KCNMB2: variants seen among roughly 807,000 people sequenced by gnomAD.
The protein encoded by KCNMB2 is potassium calcium-activated channel subfamily M regulatory beta subunit 2, also known as calcium-activated potassium channel subunit beta-2.
In KCNMB2, 9 loss-of-function variants were observed where a neutral mutation model predicts 24.5. The ratio of observed to expected loss-of-function variants is 0.37; its 90% CI spans 0.22 to 0.64. The LOEUF (loss-of-function observed/expected upper bound fraction) is 0.64, where lower values mean the gene tolerates loss of function less well. Among genes scored for constraint, KCNMB2 ranks in the 30% least tolerant of loss-of-function variants. The pLI is 0.63. For synonymous variants in KCNMB2, 109 were observed against 104.4 expected (o/e 1.04, Z -0.27); for missense variants, 226 against 284.3 (o/e 0.79, Z 1.47).
At chr3:178,629,962 A>G (rs566955349) in intron 1 of KCNMB2, among the ~76,000 whole-genome samples, 1 of 152,338 alleles carries the variant, frequency 6.6e-6, no homozygotes, top group Non-Finnish European at 1.5e-5. Flanking sequence ...ATCATGTTTA[A>G]TGTACTGCCA....
At chr3:178,539,121 C>A (rs961137213) in intron 1 of KCNMB2, among the ~76,000 whole-genome samples, 17 of 152,134 alleles carry the variant, frequency 1.1e-4, no homozygotes, top group Admixed American at 1.1e-3. Context: ...CTCTTATATA[C>A]ACAGACAGTC....
At chr3:178,585,308 G>A (rs1243838937) in intron 1 of KCNMB2, among the ~76,000 whole-genome samples, 3 of 152,124 alleles carry the variant, frequency 2.0e-5, no homozygotes, top group Admixed American at 2.0e-4. Flanking sequence ...ATTTATAAAG[G>A]TCTGTTTTAC....
At chr3:178,703,881 T>C (rs4603937) in intron 1 of KCNMB2, among the ~76,000 whole-genome samples, 21,279 of 152,046 alleles carry the variant, frequency 0.14, 1,833 homozygotes, top group Admixed American at 0.22. Flanking sequence ...GATGTTAGAG[T>C]GAGGAACAAG....
chr3:178,662,415 A>T (rs1720564244), intron 1 of KCNMB2, among the ~76,000 whole-genome samples: 1 of 152,192 alleles, frequency 6.6e-6, no homozygotes, highest in South Asian at 2.1e-4. Context: ...ATAAAATGCA[A>T]GATAAATATG....
intron 1 of KCNMB2, among the ~76,000 whole-genome samples, chr3:178,804,373 A>T (rs1713884102): frequency 6.6e-6 from 1 of 152,100 alleles, no homozygotes; most frequent in Non-Finnish European, 1.5e-5. Context: ...GAACCTTTGT[A>T]CTGTTGCCTT....
At chr3:178,748,475 C>T (rs1000356167) in intron 1 of KCNMB2, 1 of 152,114 alleles carries the variant, frequency 6.6e-6, no homozygotes, top group Non-Finnish European at 1.5e-5. Flanking sequence ...CCCAGAATCT[C>T]CCAGAATAAT....
chr3:178,719,860 G>A (rs989627882), intron 1 of KCNMB2, among the ~76,000 whole-genome samples: 10 of 152,006 alleles, frequency 6.6e-5, no homozygotes, highest in African/African-American at 9.7e-5. Flanking sequence ...ATTCCCTCCT[G>A]CTGTATTCAA....
At chr3:178,744,972 C>A (rs1294713481) in intron 1 of KCNMB2, among the ~76,000 whole-genome samples, 1 of 152,198 alleles carries the variant, frequency 6.6e-6, no homozygotes, top group East Asian at 1.9e-4. Flanking sequence ...GCTTTGCCAC[C>A]TACTACCTGT....
At chr3:178,685,836 T>C (rs1721449836) in intron 1 of KCNMB2, among the ~76,000 whole-genome samples, 1 of 152,210 alleles carries the variant, frequency 6.6e-6, no homozygotes, top group South Asian at 2.1e-4. Flanking sequence ...AATAGTTCAG[T>C]TAATACCTTC....
At chr3:178,823,744 T>A (rs1031550172) in intron 2 of KCNMB2, among the ~76,000 whole-genome samples, 2 of 152,086 alleles carry the variant, frequency 1.3e-5, no homozygotes, top group African/African-American at 4.8e-5. Flanking sequence ...ATATAAGCCC[T>A]GAATAAACAC....
chr3:178,630,817 T>C (rs1344016944), intron 1 of KCNMB2, among the ~76,000 whole-genome samples: 5 of 152,200 alleles, frequency 3.3e-5, no homozygotes, highest in Non-Finnish European at 7.3e-5. Context: ...GCAAAATGTT[T>C]CATTCACTAG....
intron 1 of KCNMB2, among the ~76,000 whole-genome samples, chr3:178,617,593 G>GA (rs1210985596): frequency 6.7e-6 from 1 of 150,188 alleles, no homozygotes; most frequent in African/African-American, 2.4e-5. Flanking sequence ...TAACACAAAA[G>GA]AAAACCCAAC....
rs373106196 is a variant in KCNMB2, at chr3:178,649,735, T to C, written c.-68+113024T>C. Among the ~76,000 whole-genome samples the C allele has an allele frequency of 2.0e-5, 3 of 152,224 alleles. No homozygotes were observed. The East Asian group carries it at 5.8e-4, about 29-fold the overall frequency. On this transcript the variant is annotated intron_variant, in intron 1 of 4. Coordinates refer to ENST00000452583, the MANE Select transcript of KCNMB2 (RefSeq NM_181361.3). ...ATGATATCCCCTTTATCATTTTTTA[T>C]TTGTATCTATCTGACTCTTCTCTCT...
intron 1 of KCNMB2, among the ~76,000 whole-genome samples, chr3:178,781,310 T>A (rs1328598442): frequency 6.6e-6 from 1 of 152,094 alleles, no homozygotes; most frequent in East Asian, 1.9e-4. Context: ...TAAGAATATA[T>A]GACGGGCACG....
At chr3:178,627,395 G>A (rs1476421377) in intron 1 of KCNMB2, among the ~76,000 whole-genome samples, 1 of 152,132 alleles carries the variant, frequency 6.6e-6, no homozygotes, top group East Asian at 1.9e-4. Context: ...AATGTCCTAG[G>A]AGAACAGTTT....
intron 1 of KCNMB2, among the ~76,000 whole-genome samples, chr3:178,545,045 G>C (rs1715733482): frequency 6.6e-6 from 1 of 152,046 alleles, no homozygotes; most frequent in Non-Finnish European, 1.5e-5. Flanking sequence ...GGGGATTTAG[G>C]GTTCCAGAAA....
chr3:178,821,049 T>C (rs1011580853), intron 2 of KCNMB2, among the ~76,000 whole-genome samples: 4 of 152,176 alleles, frequency 2.6e-5, no homozygotes, highest in African/African-American at 9.7e-5. Flanking sequence ...GGCAGCACAC[T>C]TAGTCAAAAC....
intron 1 of KCNMB2, among the ~76,000 whole-genome samples, chr3:178,656,800 T>C (rs1720359956): frequency 6.6e-6 from 1 of 152,044 alleles, no homozygotes; most frequent in Admixed American, 6.6e-5. Flanking sequence ...AGGAATGCTG[T>C]ACTCATTTTG....
At chr3:178,651,303 T>G (rs918875346) in intron 1 of KCNMB2, among the ~76,000 whole-genome samples, 1 of 152,050 alleles carries the variant, frequency 6.6e-6, no homozygotes, top group African/African-American at 2.4e-5. Flanking sequence ...AAATCATGAG[T>G]GAACTCCCAT....
Sources: gnomAD v4.1 joint callset for allele counts (sites outside exome capture counted in the v4.1 genomes callset) on GRCh38, gnomAD v4.1.1 for gene constraint, MANE v1.5 for transcripts, NCBI Gene and HGNC (gene_info 2026-07-23, HGNC 2026-07-21) for gene names.